Variants in PKIB observed in about 807,000 individuals in gnomAD.
The protein encoded by PKIB is cAMP-dependent protein kinase inhibitor beta, also known as PKI-beta.
Under a neutral mutation model 4.5 loss-of-function variants are expected in PKIB, and 2 were observed. The ratio of observed to expected loss-of-function variants is 0.44; its 90% CI spans 0.18 to 1.39. The LOEUF is 1.39. Ranked by LOEUF, PKIB falls within the 40% of genes most tolerant of loss-of-function variation. The probability of loss-of-function intolerance (pLI) is 0.27; values close to 1 mark genes in which losing one functional copy is unlikely to be tolerated. For missense variants in PKIB, 94 were observed against 92.6 expected (o/e 1.02, Z -0.06); for synonymous variants, 38 against 36.0 (o/e 1.06, Z -0.20).
intron 1 of PKIB, among the ~76,000 whole-genome samples, chr6:122,631,599 C>A (rs1482366921): frequency 2.0e-5 from 3 of 152,152 alleles, no homozygotes; most frequent in African/African-American, 7.2e-5. Context: ...ATGTGATCTT[C>A]TTTAAATGTC....
At chr6:122,590,047 A>G (rs1039388339) in intron 3 of PKIB, among the ~76,000 whole-genome samples, 2 of 152,198 alleles carry the variant, frequency 1.3e-5, no homozygotes, top group African/African-American at 4.8e-5. Flanking sequence ...AAAAATCAGG[A>G]CAGAACAAAA....
At chr6:122,504,152 T>C (rs2051648) in intron 2 of PKIB, among the ~76,000 whole-genome samples, 21,382 of 152,210 alleles carry the variant, frequency 0.14, 1,606 homozygotes, top group East Asian at 0.26. Context: ...ATAAATATTT[T>C]TTTTATGAGG....
chr6:122,595,783 A>G (rs1774159724), intron 3 of PKIB, among the ~76,000 whole-genome samples: 1 of 152,134 alleles, frequency 6.6e-6, no homozygotes. Flanking sequence ...CATCCCTGCC[A>G]CTATGGCCAC....
chr6:122,500,686 A>C (rs1043389350), intron 2 of PKIB, among the ~76,000 whole-genome samples: 4 of 152,170 alleles, frequency 2.6e-5, no homozygotes, highest in African/African-American at 9.7e-5. Context: ...TTTATTTTGC[A>C]TGAGTTATAT....
intron 2 of PKIB, among the ~76,000 whole-genome samples, chr6:122,655,774 T>A (rs1386402312): frequency 6.6e-6 from 1 of 152,174 alleles, no homozygotes; most frequent in East Asian, 1.9e-4. Flanking sequence ...ACTTACTTTT[T>A]AAAAAATTGG....
chr6:122,473,412 G>GT (rs1345461071), intron 1 of PKIB, among the ~76,000 whole-genome samples: 1 of 152,066 alleles, frequency 6.6e-6, no homozygotes, highest in Admixed American at 6.6e-5. Flanking sequence ...ATTCAATAGA[G>GT]TTTTTTCACC....
intron 2 of PKIB, among the ~76,000 whole-genome samples, chr6:122,662,308 C>CATTTTTTTTTTTTTTTTTTTTTTTT (rs1491515725): frequency 7.5e-5 from 1 of 13,252 alleles, no homozygotes; most frequent in Non-Finnish European, 1.5e-4. Context: ...TCCTTGTCTC[C>CATTTTTTTTTTTTTTTTTTTTTTTT]TTTTTTTTTT....
intron 1 of PKIB, among the ~76,000 whole-genome samples, chr6:122,616,743 A>G (rs1775008670): frequency 6.6e-6 from 1 of 151,514 alleles, no homozygotes; most frequent in Non-Finnish European, 1.5e-5. Flanking sequence ...AATAACTGTT[A>G]TGCTAAGAGA....
chr6:122,685,820 A>G (rs1042969245), intron 3 of PKIB, among the ~76,000 whole-genome samples: 2 of 152,068 alleles, frequency 1.3e-5, no homozygotes, highest in Admixed American at 6.6e-5. Context: ...TCCCCTTCCC[A>G]GCCTCTGGTA....
chr6:122,532,169 T>G (rs191392509), intron 2 of PKIB, among the ~76,000 whole-genome samples: 4 of 152,296 alleles, frequency 2.6e-5, no homozygotes, highest in East Asian at 3.9e-4. Context: ...AGATAACAAT[T>G]AACTAAGGTG....
chr6:122,665,500 G>A (rs559334984), intron 2 of PKIB, among the ~76,000 whole-genome samples: 1 of 152,240 alleles, frequency 6.6e-6, no homozygotes, highest in East Asian at 1.9e-4. Flanking sequence ...GCATTTCTCT[G>A]CTGTGTGTGC....
At chr6:122,599,192 C>T (rs1419977721) in intron 3 of PKIB, among the ~76,000 whole-genome samples, 2 of 152,098 alleles carry the variant, frequency 1.3e-5, no homozygotes, top group African/African-American at 2.4e-5. Context: ...GGGTTTGTCT[C>T]CTCAGACAGA....
At chr6:122,514,155 A>G (rs895458396) in intron 2 of PKIB, among the ~76,000 whole-genome samples, 1 of 152,220 alleles carries the variant, frequency 6.6e-6, no homozygotes, top group Non-Finnish European at 1.5e-5. Flanking sequence ...GAATTCTCTT[A>G]TTCAGGAAAA....
In PKIB at chr6:122,510,881, G is replaced by A. The variant is rs368269467; in HGVS notation, c.-248+32942G>A. Reference sequence around the variant, plus strand: ...AACTGTGGGTTGGGCAATAATAGGCGCAGCAAGCCGAGTCATGGCGAGCCA... The same window carrying A: ...AACTGTGGGTTGGGCAATAATAGGCACAGCAAGCCGAGTCATGGCGAGCCA... On this transcript the variant is annotated intron_variant, in intron 2 of 6. Coordinates refer to the PKIB transcript ENST00000392491. Among the ~76,000 whole-genome samples, 6 of 152,066 alleles carry A rather than the reference G, an allele frequency of 3.9e-5. No individual in the cohort carries two copies. In the South Asian group the frequency reaches 6.2e-4, roughly 16 times the overall value.
chr6:122,681,981 G>T (rs902273926), intron 3 of PKIB, among the ~76,000 whole-genome samples: 1 of 152,208 alleles, frequency 6.6e-6, no homozygotes, highest in Non-Finnish European at 1.5e-5. Flanking sequence ...TGATTGAACT[G>T]TGGGATGGAG....
intron 2 of PKIB, among the ~76,000 whole-genome samples, chr6:122,581,284 G>A (rs1374718960): frequency 6.6e-6 from 1 of 152,148 alleles, no homozygotes; most frequent in East Asian, 1.9e-4. Context: ...CCTGGGAAAT[G>A]TTGGTTTCAA....
intron 3 of PKIB, among the ~76,000 whole-genome samples, chr6:122,602,601 T>G (rs560036027): frequency 3.3e-4 from 50 of 151,714 alleles, no homozygotes; most frequent in African/African-American, 1.2e-3. Flanking sequence ...AAAAACAAAC[T>G]AACAAAAAAT....
chr6:122,656,362 A>C (rs978850254), intron 2 of PKIB, among the ~76,000 whole-genome samples: 4 of 152,212 alleles, frequency 2.6e-5, no homozygotes, highest in Non-Finnish European at 5.9e-5. Context: ...GCATATTGCT[A>C]TACAGTTGAA....
chr6:122,477,581 TTC>T (rs2114509904), intron 1 of PKIB, among the ~76,000 whole-genome samples: 1 of 152,328 alleles, frequency 6.6e-6, no homozygotes, highest in African/African-American at 2.4e-5. Context: ...TTATCCTGAT[TTC>T]TTTTTTATTC....
Sources: gnomAD v4.1 joint callset for allele counts (sites outside exome capture counted in the v4.1 genomes callset) on GRCh38, gnomAD v4.1.1 for gene constraint, MANE v1.5 for transcripts, NCBI Gene and HGNC (gene_info 2026-07-23, HGNC 2026-07-21) for gene names.